ETV1: variants seen among roughly 807,000 people sequenced by gnomAD.
ETV1 encodes ETS variant transcription factor 1, also known as ETS translocation variant 1.
ETV1 carries 27 observed loss-of-function variants against 62.3 expected under a neutral mutation model. That is an observed-to-expected ratio of 0.43 (90% CI 0.32 to 0.60). The LOEUF (loss-of-function observed/expected upper bound fraction) is 0.60, where lower values mean the gene tolerates loss of function less well. Ranked by LOEUF, ETV1 falls within the 20% of genes least tolerant of loss-of-function variation. The pLI is 0.06. For missense variants in ETV1, 605 were observed against 605.8 expected (o/e 1.00, Z 0.01); for synonymous variants, 222 against 199.6 (o/e 1.11, Z -0.94).
chr7:13,936,248 C>A (rs921629724), intron 7 of ETV1, among the ~76,000 whole-genome samples: 1 of 152,018 alleles, frequency 6.6e-6, no homozygotes, highest in Non-Finnish European at 1.5e-5. Context: ...TAGATCTTTC[C>A]TAAATCATTA....
chr7:13,950,941 C>CACACAA (rs796670451), intron 6 of ETV1, among the ~76,000 whole-genome samples: 3,515 of 147,150 alleles, frequency 0.024, 115 homozygotes, highest in African/African-American at 0.075. Flanking sequence ...CACACACACA[C>CACACAA]AATATCGAGC....
intron 11 of ETV1, among the ~76,000 whole-genome samples, chr7:13,908,608 T>A (rs894970786): frequency 1.3e-5 from 2 of 151,992 alleles, no homozygotes; most frequent in Admixed American, 1.3e-4. Flanking sequence ...TGACCTTGAA[T>A]GAATTTAGAA....
At chr7:13,929,523 C>A (rs188186578) in intron 9 of ETV1, among the ~76,000 whole-genome samples, 1 of 152,028 alleles carries the variant, frequency 6.6e-6, no homozygotes, top group Non-Finnish European at 1.5e-5. Flanking sequence ...CCTGACACAC[C>A]CCACTTTTTG....
intron 6 of ETV1, among the ~76,000 whole-genome samples, chr7:13,957,261 A>AT (rs1044674148): frequency 6.6e-6 from 1 of 151,450 alleles, no homozygotes; most frequent in African/African-American, 2.4e-5. Flanking sequence ...AATTTTTTGT[A>AT]TTTTTTAGTA....
At chr7:13,896,196 C>T (rs1781755893) in intron 13 of ETV1, 109 bp from the exon 14 acceptor site, 1 of 772,306 alleles carries the variant, frequency 1.3e-6, no homozygotes, top group Non-Finnish European at 2.1e-6. Flanking sequence ...GGATGGGTAA[C>T]TCTGGCCCAA....
At chr7:13,986,542 T>A in intron 5 of ETV1, 96 bp downstream of exon 5, 1 of 1,579,762 alleles carries the variant, frequency 6.3e-7, no homozygotes, top group Non-Finnish European at 8.6e-7. Flanking sequence ...TAGAGCTCAA[T>A]TAATTGGGCT....
At chr7:13,904,912 G>A (rs1355824649) in intron 12 of ETV1, among the ~76,000 whole-genome samples, 1 of 149,592 alleles carries the variant, frequency 6.7e-6, no homozygotes, top group Non-Finnish European at 1.5e-5. Context: ...TGACAGCTAA[G>A]TTAATTTTAA....
At chr7:13,986,339 A>C in intron 5 of ETV1, 2 of 1,490,220 alleles carry the variant, frequency 1.3e-6, no homozygotes, top group Non-Finnish European at 1.8e-6. Context: ...GATCAATTGC[A>C]ATTAAAATCT....
chr7:13,981,779 G>A (rs1782017034), intron 5 of ETV1, among the ~76,000 whole-genome samples: 1 of 151,850 alleles, frequency 6.6e-6, no homozygotes, highest in African/African-American at 2.4e-5. Flanking sequence ...ATTTCTCTTT[G>A]AATCAAAGAG....
intron 9 of ETV1, among the ~76,000 whole-genome samples, chr7:13,920,659 T>A (rs1235028245): frequency 6.6e-6 from 1 of 152,172 alleles, no homozygotes; most frequent in African/African-American, 2.4e-5. Context: ...TTGGCCTGTG[T>A]TAATGCATAA....
intron 10 of ETV1, 56 bp downstream of exon 10, chr7:13,911,183 G>T: frequency 1.7e-6 from 2 of 1,145,106 alleles, no homozygotes; most frequent in Non-Finnish European, 2.6e-6. Context: ...TCATATTTGG[G>T]ATGTCTGATT....
intron 6 of ETV1, among the ~76,000 whole-genome samples, chr7:13,947,962 T>A (rs570676278): frequency 5.8e-4 from 88 of 152,278 alleles, no homozygotes; most frequent in African/African-American, 2.0e-3. Context: ...TTTGACTAAT[T>A]CACGTGTGTC....
In ETV1 at chr7:13,893,237, C is replaced by G. The variant is rs1422053308; in HGVS notation, c.*2629G>C. 4 of 232,044 alleles carry G rather than the reference C, an allele frequency of 1.7e-5. No homozygotes were observed. The highest frequency in any genetic ancestry group is 3.4e-5 in the Non-Finnish European group (4 of 117,502). 14.4% of individuals were successfully genotyped at this position (232,044 alleles called of 1,614,324 possible). On this transcript the variant is annotated 3_prime_UTR_variant, in exon 14 of 14. Transcript: ENST00000430479. ...ACAAATGATTTCTATGTTTGAGTAG[C>G]CAATTCAATGAGAAATTCAAAACAC...
At chr7:13,932,044 C>A (rs541295792) in intron 8 of ETV1, among the ~76,000 whole-genome samples, 1,918 of 148,058 alleles carry the variant, frequency 0.013, 30 homozygotes, top group African/African-American at 0.032. Context: ...TTTTACACAC[C>A]CACACACACA....
intron 12 of ETV1, among the ~76,000 whole-genome samples, chr7:13,901,465 A>ATATATACGTTT (rs1350610429): frequency 6.6e-6 from 1 of 152,210 alleles, no homozygotes; most frequent in Non-Finnish European, 1.5e-5. Context: ...CACGTTTTTC[A>ATATATACGTTT]TTCTGAGATA....
chr7:13,937,109 TTC>T (rs1478939589), intron 7 of ETV1, among the ~76,000 whole-genome samples: 2 of 152,306 alleles, frequency 1.3e-5, no homozygotes, highest in South Asian at 2.1e-4. Flanking sequence ...AAAGAAATAT[TTC>T]TTTTTGAATT....
chr7:13,972,097 G>A (rs1050281988), intron 6 of ETV1, among the ~76,000 whole-genome samples: 6 of 151,982 alleles, frequency 3.9e-5, no homozygotes, highest in Middle Eastern at 6.8e-3. Flanking sequence ...ATGATACAGC[G>A]AGACTCTGTC....
At chr7:13,947,154 T>TA (rs1788260872) in intron 6 of ETV1, among the ~76,000 whole-genome samples, 1 of 152,204 alleles carries the variant, frequency 6.6e-6, no homozygotes, top group South Asian at 2.1e-4. Flanking sequence ...TTTGTATCCT[T>TA]ACATTGAAAA....
At chr7:13,941,863 G>GAATAAATAAATA (rs111978808) in intron 6 of ETV1, among the ~76,000 whole-genome samples, 4 of 145,792 alleles carry the variant, frequency 2.7e-5, no homozygotes, top group Non-Finnish European at 6.0e-5. Context: ...ATTCTGCCTC[G>GAATAAATAAATA]AATAAATAAA....
Sources: gnomAD v4.1 joint callset for allele counts (sites outside exome capture counted in the v4.1 genomes callset) on GRCh38, gnomAD v4.1.1 for gene constraint, MANE v1.5 for transcripts, NCBI Gene and HGNC (gene_info 2026-07-23, HGNC 2026-07-21) for gene names.